PCDHA4: variants seen among roughly 807,000 people sequenced by gnomAD.
PCDHA4 encodes protocadherin alpha 4, also known as protocadherin alpha-4.
Under a neutral mutation model 61.4 loss-of-function variants are expected in PCDHA4, and 49 were observed. The ratio of observed to expected loss-of-function variants is 0.80; its 90% CI spans 0.63 to 1.01. The LOEUF is 1.01. Among genes scored for constraint, PCDHA4 ranks in the 50% least tolerant of loss-of-function variants. PCDHA4 has a pLI of 0.00. For synonymous variants in PCDHA4, 590 were observed against 550.3 expected (o/e 1.07, Z -1.01); for missense variants, 1,254 against 1,235.8 (o/e 1.01, Z -0.22).
intron 1 of PCDHA4, among the ~76,000 whole-genome samples, chr5:140,916,773 A>G (rs1584011849): frequency 6.6e-6 from 1 of 151,502 alleles, no homozygotes; most frequent in South Asian, 2.1e-4. Context: ...TGGCACAAGC[A>G]CTCCCTTAGC....
intron 1 of PCDHA4, chr5:140,857,046 G>A: frequency 6.3e-7 from 1 of 1,595,842 alleles, no homozygotes; most frequent in African/African-American, 1.3e-5. Context: ...GTTGGTCACT[G>A]CACGGTCCTA....
chr5:140,847,536 G>C (rs1162683759), intron 1 of PCDHA4: 1 of 149,444 alleles, frequency 6.7e-6, no homozygotes, highest in Non-Finnish European at 1.5e-5. Context: ...AGAATCTCAA[G>C]CATAGCTTTA....
chr5:140,816,876 A>T (rs1766015210), intron 1 of PCDHA4: 1 of 151,704 alleles, frequency 6.6e-6, no homozygotes, highest in Admixed American at 6.6e-5. Context: ...AGCAGTATTC[A>T]CTCAGCTCTT....
chr5:140,842,395 T>C, intron 1 of PCDHA4: 1 of 1,611,538 alleles, frequency 6.2e-7, no homozygotes, highest in Non-Finnish European at 8.5e-7. Flanking sequence ...TATCCTTGCC[T>C]GTACGTGAAG....
intron 1 of PCDHA4, among the ~76,000 whole-genome samples, chr5:140,888,278 C>G (rs1204327118): frequency 2.0e-5 from 3 of 151,932 alleles, no homozygotes; most frequent in African/African-American, 7.3e-5. Flanking sequence ...CAGTTTTGTC[C>G]CCTCTACCCC....
intron 1 of PCDHA4, chr5:140,854,217 C>A: frequency 6.6e-6 from 4 of 607,972 alleles, no homozygotes; most frequent in Middle Eastern, 8.4e-4. Context: ...CAATATTGGA[C>A]ATCTACATTG....
chr5:140,892,941 A>G (rs1554185454), intron 1 of PCDHA4, among the ~76,000 whole-genome samples: 1 of 152,178 alleles, frequency 6.6e-6, no homozygotes, highest in African/African-American at 2.4e-5. Context: ...GATAAGCACA[A>G]TACTACTTCC....
intron 1 of PCDHA4, chr5:140,967,921 C>T (rs781932025): frequency 6.2e-6 from 10 of 1,614,172 alleles, no homozygotes; most frequent in South Asian, 4.4e-5. Flanking sequence ...CCATTGTGGC[C>T]GTTCTCAGTG....
chr5:140,822,847 G>C, intron 1 of PCDHA4: 1 of 1,614,212 alleles, frequency 6.2e-7, no homozygotes, highest in Non-Finnish European at 8.5e-7. Flanking sequence ...TTTCCTGCCT[G>C]TCAAAGAGGA....
Position 140,953,715 on chromosome 5 carries a change from A to T in PCDHA4, c.2386-25234A>T, listed in dbSNP as rs535385036. Among the ~76,000 whole-genome samples the T allele has an allele frequency of 2.6e-5, 4 of 152,312 alleles. No homozygotes were observed. The South Asian group carries it at 6.2e-4, about 24-fold the overall frequency. On this transcript the variant is annotated intron_variant, in intron 1 of 3. Transcript: ENST00000530339. ...TGATCTACTAGACTGAGCTTCAGAC[A>T]TTGTGTTTTGAAATTTTTGCTTAAC...
chr5:140,874,403 T>A (rs1013177734), intron 1 of PCDHA4, among the ~76,000 whole-genome samples: 2 of 152,198 alleles, frequency 1.3e-5, no homozygotes, highest in African/African-American at 4.8e-5. Context: ...TGCATAACAG[T>A]CACCATTCTG....
At position 140,809,194 on chromosome 5, in the gene PCDHA4, TGTG is replaced by T; in HGVS notation, c.2009_2011del (p.Val670del). The T allele has an allele frequency of 6.2e-7, 1 of 1,613,998 alleles. No individual in the cohort carries two copies. Among genetic ancestry groups the T allele is most frequent in the East Asian group, 2.2e-5 (1 of 44,882 alleles). ...CCACGGCCACTGTGCTGGTGTCACT[TGTG>T]GAGAGTGGACAGGCGCCAAAGGCCT... On this transcript the variant is annotated inframe_deletion, in exon 1 of 4. Coordinates refer to ENST00000530339, the MANE Select transcript of PCDHA4 (RefSeq NM_018907.4).
chr5:140,952,378 A>G (rs1282372403), intron 1 of PCDHA4, among the ~76,000 whole-genome samples: 1 of 151,376 alleles, frequency 6.6e-6, no homozygotes, highest in Non-Finnish European at 1.5e-5. Flanking sequence ...TTCCTCTGCC[A>G]GGTACCCTAA....
intron 1 of PCDHA4, chr5:140,967,123 C>A (rs1554229191): frequency 4.3e-6 from 7 of 1,612,606 alleles, no homozygotes; most frequent in African/African-American, 2.7e-5. Context: ...GCTGCCTGCT[C>A]AGCTTGGAAG....
chr5:140,817,912 G>T (rs1554127355), intron 1 of PCDHA4, among the ~76,000 whole-genome samples: 2 of 152,064 alleles, frequency 1.3e-5, no homozygotes, highest in Non-Finnish European at 1.5e-5. Flanking sequence ...GACATTCCAT[G>T]GTCTTCTTTT....
At chr5:140,977,126 T>C (rs782356713) in intron 1 of PCDHA4, among the ~76,000 whole-genome samples, 27 of 152,240 alleles carry the variant, frequency 1.8e-4, no homozygotes, top group Admixed American at 4.6e-4. Context: ...GAACTGAGTT[T>C]CCTGGTCAGT....
At chr5:140,840,962 C>T (rs188711112) in intron 1 of PCDHA4, among the ~76,000 whole-genome samples, 3 of 152,096 alleles carry the variant, frequency 2.0e-5, no homozygotes, top group African/African-American at 7.2e-5. Flanking sequence ...AAATTCCTTT[C>T]CTTATGAAGA....
chr5:140,915,864 T>A (rs1170888594), intron 1 of PCDHA4, among the ~76,000 whole-genome samples: 1 of 152,166 alleles, frequency 6.6e-6, no homozygotes. Flanking sequence ...CAAGTTTGCA[T>A]CCTTCCCTTT....
At chr5:140,846,871 A>G (rs1338632636) in intron 1 of PCDHA4, among the ~76,000 whole-genome samples, 1 of 149,786 alleles carries the variant, frequency 6.7e-6, no homozygotes, top group Non-Finnish European at 1.5e-5. Flanking sequence ...AACAGGTACA[A>G]GAGGTAAATC....
Sources: gnomAD v4.1 joint callset for allele counts (sites outside exome capture counted in the v4.1 genomes callset) on GRCh38, gnomAD v4.1.1 for gene constraint, MANE v1.5 for transcripts, NCBI Gene and HGNC (gene_info 2026-07-23, HGNC 2026-07-21) for gene names.